The following ARHGEF10 variants were observed in gnomAD, a reference collection of about 807,000 sequenced individuals.
ARHGEF10 encodes Rho guanine nucleotide exchange factor 10.
Under a neutral mutation model 147.4 loss-of-function variants are expected in ARHGEF10, and 140 were observed. The ratio of observed to expected loss-of-function variants is 0.95; its 90% CI spans 0.83 to 1.09. The LOEUF (loss-of-function observed/expected upper bound fraction) is 1.09, where lower values mean the gene tolerates loss of function less well. ARHGEF10 is among the 50% of genes least tolerant of loss of function. The probability of loss-of-function intolerance (pLI) is 0.00; values close to 1 mark genes in which losing one functional copy is unlikely to be tolerated. For synonymous variants in ARHGEF10, 902 were observed against 695.8 expected, an observed-to-expected ratio of 1.30 and a Z score of -4.67; for missense variants, 2,222 against 1,752.7, an observed-to-expected ratio of 1.27 and a Z score of -4.78.
At chr8:1,827,982 T>G (rs1168784048) in intron 1 of ARHGEF10, among the ~76,000 whole-genome samples, 1 of 152,192 alleles carries the variant, frequency 6.6e-6, no homozygotes, top group Non-Finnish European at 1.5e-5. Context: ...GCATCAGCAT[T>G]GGCTAGTTAC....
rs1323593914 is a variant in ARHGEF10, at chr8:1,886,363, CAT to C, written c.1182+659_1182+660del. ...ATGGACACCAGGATGGATAGGCAGA[CAT>C]ATGTGTAATCCACGGATCTGGGGAG... On this transcript the variant is annotated intron_variant, in intron 11 of 28. Transcript: ENST00000349830. Among the ~76,000 whole-genome samples the C allele has an allele frequency of 4.6e-5, 7 of 152,246 alleles. No homozygotes were observed. The South Asian group carries it at 1.2e-3, about 27-fold the overall frequency.
At chr8:1,855,707 C>G (rs1424302405) in intron 2 of ARHGEF10, among the ~76,000 whole-genome samples, 1 of 152,100 alleles carries the variant, frequency 6.6e-6, no homozygotes, top group Non-Finnish European at 1.5e-5. Context: ...AACATTTTCA[C>G]TGATCATTTT....
chr8:1,945,510 C>T lies in ARHGEF10; in HGVS notation c.3252C>T (p.Gly1084=). The T allele has an allele frequency of 6.2e-7, 1 of 1,611,504 alleles. No homozygotes were observed. The highest frequency in any genetic ancestry group is 1.3e-5 in the African/African-American group (1 of 74,972). The change falls in exon 27 of 29, where the codon GGC becomes GGT. Residue 1084 remains glycine, a synonymous_variant. Coordinates refer to ENST00000349830, the MANE Select transcript of ARHGEF10 (RefSeq NM_014629.4). ...EGQLEAHQEE[G]MVISHMAVSG... is the part of the protein sequence containing the mutation. Reference sequence around the variant, plus strand: ...AGCTGGAGGCCCACCAGGAGGAAGGCATGGTGATCTCCCACATGGCCGTGT... The same window carrying T: ...AGCTGGAGGCCCACCAGGAGGAAGGTATGGTGATCTCCCACATGGCCGTGT...
intron 10 of ARHGEF10, among the ~76,000 whole-genome samples, chr8:1,883,541 G>T (rs1370543232): frequency 1.3e-5 from 2 of 152,170 alleles, no homozygotes; most frequent in African/African-American, 2.4e-5. Flanking sequence ...CCTCGGATAC[G>T]ATGTGTAATT....
rs1333713952 is a variant in ARHGEF10 at position 1,839,721 on chromosome 8, A to AAG, written c.-47-3632_-47-3631insAG. ...GGTGTGGGGACTGTCTGGTGTGGGG[A>AAG]CTGTCCGGTGTGGAAGCTGTCTGGT... On this transcript the variant is annotated intron_variant, in intron 1 of 28. Transcript: ENST00000349830. 7.0e-4 allele frequency among the ~76,000 whole-genome samples: 61 copies of AAG among 86,772 alleles called. 1 individual carries two copies. Among genetic ancestry groups the AAG allele is most frequent in the African/African-American group, 2.0e-3 (39 of 19,156 alleles). 56.9% of individuals were successfully genotyped at this position (86,772 alleles called of 152,430 possible).
chr8:1,875,597 T>G (rs1807630978), intron 7 of ARHGEF10, among the ~76,000 whole-genome samples: 1 of 152,250 alleles, frequency 6.6e-6, no homozygotes, highest in African/African-American at 2.4e-5. Flanking sequence ...TTCACGCATT[T>G]TATGGCTTTG....
intron 18 of ARHGEF10, among the ~76,000 whole-genome samples, chr8:1,914,995 G>T (rs1430003110): frequency 6.6e-6 from 1 of 152,160 alleles, no homozygotes; most frequent in Non-Finnish European, 1.5e-5. Context: ...CAACAGATGA[G>T]CCCCTCACTG....
chr8:1,843,274 C>T (rs1318070536), intron 1 of ARHGEF10, 79 bp from the exon 2 acceptor site: 4 of 1,094,720 alleles, frequency 3.7e-6, no homozygotes, highest in Admixed American at 2.0e-5. Flanking sequence ...TTGCGGGGTT[C>T]TCTGTCGACA....
chr8:1,909,126 C>G (rs1481906624), intron 17 of ARHGEF10, among the ~76,000 whole-genome samples, 169 bp from the exon 18 acceptor site: 2 of 152,150 alleles, frequency 1.3e-5, no homozygotes, highest in Non-Finnish European at 2.9e-5. Context: ...TTTATGGCAG[C>G]AAGTGGGGAC....
At chr8:1,876,879 C>T in intron 8 of ARHGEF10, 145 bp downstream of exon 8, 1 of 906,852 alleles carries the variant, frequency 1.1e-6, no homozygotes. Flanking sequence ...AAGATATTGG[C>T]AAAGGAGAAG....
intron 6 of ARHGEF10, 52 bp from the exon 7 acceptor site, chr8:1,869,142 G>T: frequency 6.6e-7 from 1 of 1,509,682 alleles, no homozygotes; most frequent in Non-Finnish European, 9.2e-7. Context: ...AATTTAAATT[G>T]CACTAGGTTT....
intron 1 of ARHGEF10, among the ~76,000 whole-genome samples, chr8:1,831,785 G>A (rs1803126391): frequency 6.6e-6 from 1 of 152,242 alleles, no homozygotes; most frequent in African/African-American, 2.4e-5. Context: ...GCTCCTGATG[G>A]AGTCACTTTT....
chr8:1,836,391 AG>A (rs1003950660), intron 1 of ARHGEF10, among the ~76,000 whole-genome samples: 1 of 152,146 alleles, frequency 6.6e-6, no homozygotes, highest in African/African-American at 2.4e-5. Flanking sequence ...GCACCAGGGC[AG>A]GGAGAGTGAG....
At chr8:1,887,786 T>G (rs1204908930) in intron 11 of ARHGEF10, among the ~76,000 whole-genome samples, 1 of 123,646 alleles carries the variant, frequency 8.1e-6, no homozygotes, top group Non-Finnish European at 1.7e-5. Context: ...GATGAGACAG[T>G]GAGTGGAGTA....
chr8:1,869,371 C>T (rs1806898010), intron 7 of ARHGEF10, 121 bp downstream of exon 7: 1 of 844,846 alleles, frequency 1.2e-6, no homozygotes, highest in South Asian at 1.4e-5. Flanking sequence ...TTGTATGTTG[C>T]TTCTAGAATG....
chr8:1,947,556 C>T (rs1043370775), intron 27 of ARHGEF10, among the ~76,000 whole-genome samples: 61 of 152,132 alleles, frequency 4.0e-4, no homozygotes, highest in African/African-American at 4.3e-4. Flanking sequence ...ACAGCACTCA[C>T]GCCCAGGCTA....
chr8:1,888,753 AGGGTGAGGT>A (rs1809050216), intron 11 of ARHGEF10, among the ~76,000 whole-genome samples: 4 of 13,032 alleles, frequency 3.1e-4, no homozygotes, highest in African/African-American at 1.3e-3. Context: ...GACACTGAAT[AGGGTGAGGT>A]TTGTGAGGAG....
Position 1,836,934 on chromosome 8 carries a change from A to C in ARHGEF10, c.-47-6419A>C, listed in dbSNP as rs1229717704. On this transcript the variant is annotated intron_variant, in intron 1 of 28. Coordinates refer to ENST00000349830, the MANE Select transcript of ARHGEF10 (RefSeq NM_014629.4). The stretch of plus-strand genomic sequence containing the variant: ...TCATTTTCTCTTGCCGCCGCCACGT[A>C]AGAAGTGCCTTTCACCTCCCACAAT... Among the ~76,000 whole-genome samples the C allele has an allele frequency of 4.6e-5, 7 of 152,260 alleles. No individual in the cohort carries two copies. The East Asian group carries it at 1.4e-3, about 29-fold the overall frequency.
intron 13 of ARHGEF10, among the ~76,000 whole-genome samples, chr8:1,895,319 T>C (rs1809883801): frequency 6.6e-6 from 1 of 152,238 alleles, no homozygotes; most frequent in African/African-American, 2.4e-5. Context: ...TCTGTAATTA[T>C]TTGAGACTAT....
Sources: allele counts gnomAD v4.1 joint callset (sites outside exome capture counted in the v4.1 genomes callset), GRCh38; gene constraint gnomAD v4.1.1; transcripts MANE v1.5; gene names NCBI Gene and HGNC (gene_info 2026-07-23, HGNC 2026-07-21).